The following GREM2 variants were observed in gnomAD, a reference collection of about 807,000 sequenced individuals.
The protein encoded by GREM2 is gremlin 2, DAN family BMP antagonist.
GREM2 carries 11 observed loss-of-function variants against 14.2 expected under a neutral mutation model. That is an observed-to-expected ratio of 0.78 (90% CI 0.49 to 1.28). The LOEUF (loss-of-function observed/expected upper bound fraction) is 1.28, where lower values mean the gene tolerates loss of function less well. GREM2 is among the 50% of genes most tolerant of loss of function. GREM2 has a pLI of 0.00. For synonymous variants in GREM2, 98 were observed against 97.6 expected, an observed-to-expected ratio of 1.00 and a Z score of -0.02; for missense variants, 210 against 218.5, an observed-to-expected ratio of 0.96 and a Z score of 0.24.
At chr1:240,519,315 T>C (rs549016239) in intron 1 of GREM2, among the ~76,000 whole-genome samples, 1 of 152,204 alleles carries the variant, frequency 6.6e-6, no homozygotes, top group African/African-American at 2.4e-5. Context: ...TTGATTCTAC[T>C]ATCACAACTT....
Position 240,492,960 on chromosome 1 carries a change from G to C in GREM2, c.*9C>G, listed in dbSNP as rs540514987. On this transcript the variant is annotated 3_prime_UTR_variant, in exon 2 of 2. Transcript: ENST00000318160. ...CGCGCGCGGGGCTGAGCTGCGTCCG[G>C]CCCGGCGCTCACTGCTTGTCCGAGT... 80 of 1,516,228 alleles carry C rather than the reference G, an allele frequency of 5.3e-5. No homozygotes were observed. The East Asian group carries it at 1.5e-3, about 29-fold the overall frequency. The allele number at this position is 1,516,228 out of a possible 1,614,324, so 93.9% of individuals were successfully genotyped here. A position where few individuals can be genotyped will look rare whatever the true frequency, so the allele number is the denominator to read the frequency against.
At chr1:240,577,410 A>G (rs1198941631) in intron 1 of GREM2, among the ~76,000 whole-genome samples, 2 of 152,248 alleles carry the variant, frequency 1.3e-5, no homozygotes, top group Admixed American at 6.5e-5. Flanking sequence ...ACTTTCTCCA[A>G]CAACGACACA....
At chr1:240,592,417 G>C (rs1233241403) in intron 1 of GREM2, among the ~76,000 whole-genome samples, 1 of 151,970 alleles carries the variant, frequency 6.6e-6, no homozygotes, top group Non-Finnish European at 1.5e-5. Flanking sequence ...AAATATTTAA[G>C]TGTTAAAAAA....
intron 1 of GREM2, among the ~76,000 whole-genome samples, chr1:240,507,931 G>A (rs1677718066): frequency 6.6e-6 from 1 of 152,190 alleles, no homozygotes; most frequent in Non-Finnish European, 1.5e-5. Flanking sequence ...TACTCTAAGT[G>A]AAGTAAATGA....
intron 1 of GREM2, among the ~76,000 whole-genome samples, chr1:240,577,414 C>T (rs968646234): frequency 6.6e-6 from 1 of 152,178 alleles, no homozygotes; most frequent in African/African-American, 2.4e-5. Flanking sequence ...TCTCCAACAA[C>T]GACACACACA....
At chr1:240,575,601 A>G (rs1679353649) in intron 1 of GREM2, among the ~76,000 whole-genome samples, 1 of 151,670 alleles carries the variant, frequency 6.6e-6, no homozygotes, top group Non-Finnish European at 1.5e-5. Context: ...GCTCACTGCA[A>G]TCTCCGCCTC....
chr1:240,492,898 G>A lies in GREM2; in HGVS notation c.*71C>T. ...AGCGTGACAGTGGGCTCGGAGGGCA[G>A]GGACAGAGGCGGCGGCGGCGCCACC... is the stretch of plus-strand genomic sequence containing the variant. On this transcript the variant is annotated 3_prime_UTR_variant, in exon 2 of 2. Coordinates refer to ENST00000318160, the MANE Select transcript of GREM2 (RefSeq NM_022469.4). The A allele has an allele frequency of 1.5e-6, 2 of 1,318,808 alleles. No individual in the cohort carries two copies. The highest frequency in any genetic ancestry group is 1.9e-6 in the Non-Finnish European group (2 of 1,031,554). The allele number at this position is 1,318,808 out of a possible 1,614,324, so 81.7% of individuals were successfully genotyped here. A position where few individuals can be genotyped will look rare whatever the true frequency, so the allele number is the denominator to read the frequency against.
chr1:240,545,075 T>C (rs1485373688), intron 1 of GREM2, among the ~76,000 whole-genome samples: 2 of 152,234 alleles, frequency 1.3e-5, no homozygotes, highest in East Asian at 1.9e-4. Flanking sequence ...TGTTGTCTGA[T>C]GGCTGGAGGC....
chr1:240,493,410 C>T lies in GREM2; in HGVS notation c.66G>A (p.Arg22=), dbSNP rs768597263. The change falls in exon 2 of 2, where the codon CGG becomes CGA. Residue 22 remains arginine, a synonymous_variant. Transcript: ENST00000318160. ...GGATGGCGCCCGCCGGCCGGTTCTT[C>T]CGGGCTTCCGCCACCTTCACCAGCA... ...VAVLVKVAEA[R]KNRPAGAIPS... The T allele has an allele frequency of 1.9e-6, 3 of 1,613,126 alleles. No individual in the cohort carries two copies. The African/African-American group carries it at 4.0e-5, about 22-fold the overall frequency.
chr1:240,571,525 C>T (rs1460506365), intron 1 of GREM2, among the ~76,000 whole-genome samples: 1 of 151,962 alleles, frequency 6.6e-6, no homozygotes, highest in Non-Finnish European at 1.5e-5. Context: ...GAAACCCCAT[C>T]TCTATTAAAA....
chr1:240,600,137 G>A (rs2102870168), intron 1 of GREM2, among the ~76,000 whole-genome samples: 1 of 152,250 alleles, frequency 6.6e-6, no homozygotes, highest in African/African-American at 2.4e-5. Flanking sequence ...GAGGAAACCT[G>A]GGTTCGAGTG....
intron 1 of GREM2, among the ~76,000 whole-genome samples, chr1:240,599,900 C>T (rs1443929289): frequency 6.6e-6 from 1 of 152,144 alleles, no homozygotes; most frequent in African/African-American, 2.4e-5. Context: ...GGAAAATAAT[C>T]CAAATGAAAC....
chr1:240,493,010 G>C lies in GREM2; in HGVS notation c.466C>G (p.Arg156Gly). The change falls in exon 2 of 2, where the codon CGG becomes GGG. Residue 156 changes from arginine (R) to glycine (G), a missense_variant. By Grantham distance (125) the Arg-to-Gly change is moderately radical (BLOSUM62 -2). Transcript: ENST00000318160. The stretch of plus-strand genomic sequence containing the variant: ...TCGCTCAGGTTCACGGACATGCACC[G>C]GCACTGCTTCACCTTCTGGATTTTC... ...LKKIQKVKQC[R>G]CMSVNLSDSD... 3 of 1,579,266 alleles carry C rather than the reference G, an allele frequency of 1.9e-6. No individual in the cohort carries two copies. The highest frequency in any genetic ancestry group is 2.6e-6 in the Non-Finnish European group (3 of 1,158,194).
chr1:240,589,396 T>C (rs112431527), intron 1 of GREM2, among the ~76,000 whole-genome samples: 2,014 of 149,720 alleles, frequency 0.013, 42 homozygotes, highest in African/African-American at 0.047. Context: ...GATCGTGCCA[T>C]TGCACTCCAG....
chr1:240,528,388 T>G (rs1007437621), intron 1 of GREM2, among the ~76,000 whole-genome samples: 1 of 152,184 alleles, frequency 6.6e-6, no homozygotes, highest in Non-Finnish European at 1.5e-5. Flanking sequence ...TTTATTACAT[T>G]AGTCCATTTG....
At chr1:240,549,696 G>T (rs1445812678) in intron 1 of GREM2, among the ~76,000 whole-genome samples, 8 of 152,166 alleles carry the variant, frequency 5.3e-5, no homozygotes, top group African/African-American at 1.9e-4. Flanking sequence ...TGAAGCTACG[G>T]TGATGTGCTT....
Position 240,491,526 on chromosome 1 carries a change from A to G in GREM2, c.*1443T>C, listed in dbSNP as rs1195061064. Reference sequence around the variant, plus strand: ...GTATATCAAGAGACCACAGCATGGAAACGTCAACAATTCATTATAAACACA... The same window carrying G: ...GTATATCAAGAGACCACAGCATGGAGACGTCAACAATTCATTATAAACACA... On this transcript the variant is annotated 3_prime_UTR_variant, in exon 2 of 2. Transcript: ENST00000318160. The G allele has an allele frequency of 1.3e-5, 2 of 152,594 alleles. No individual in the cohort carries two copies. The highest frequency in any genetic ancestry group is 2.9e-5 in the Non-Finnish European group (2 of 68,034). 9.5% of individuals were successfully genotyped at this position (152,594 alleles called of 1,614,324 possible). A position where few individuals can be genotyped will look rare whatever the true frequency, so the allele number is the denominator to read the frequency against.
At chr1:240,552,860 CTCT>C (rs1017212618) in intron 1 of GREM2, among the ~76,000 whole-genome samples, 34 of 152,318 alleles carry the variant, frequency 2.2e-4, no homozygotes, top group African/African-American at 7.9e-4. Context: ...AATTATTAAG[CTCT>C]TCTTCTCTTG....
intron 1 of GREM2, among the ~76,000 whole-genome samples, chr1:240,523,964 T>C (rs148802580): frequency 1.1e-3 from 160 of 152,358 alleles, no homozygotes; most frequent in African/African-American, 3.7e-3. Context: ...TTATTTAACA[T>C]CTATTTATAT....
Sources: gnomAD v4.1 joint callset for allele counts (sites outside exome capture counted in the v4.1 genomes callset) on GRCh38, gnomAD v4.1.1 for gene constraint, MANE v1.5 for transcripts, NCBI Gene and HGNC (gene_info 2026-07-23, HGNC 2026-07-21) for gene names.